The following ITPR2 variants were observed in gnomAD, a reference collection of about 807,000 sequenced individuals.
The protein encoded by ITPR2 is inositol 1,4,5-trisphosphate-gated calcium channel ITPR2.
In ITPR2, 207 loss-of-function variants were observed where a neutral mutation model predicts 317.1. That is an observed-to-expected ratio of 0.65 (90% CI 0.58 to 0.73). The LOEUF (loss-of-function observed/expected upper bound fraction) is 0.73. Ranked by LOEUF, ITPR2 falls within the 30% of genes least tolerant of loss-of-function variation. The pLI is 0.00. For synonymous variants in ITPR2, 1,156 were observed against 1,149.1 expected, an observed-to-expected ratio of 1.01 and a Z score of -0.12; for missense variants, 2,613 against 3,284.0, an observed-to-expected ratio of 0.80 and a Z score of 4.99.
intron 37 of ITPR2, among the ~76,000 whole-genome samples, chr12:26,531,376 A>G (rs1419879730): frequency 6.6e-6 from 1 of 152,228 alleles, no homozygotes; most frequent in African/African-American, 2.4e-5. Context: ...TTTATCACAT[A>G]CACTGGTCAT....
chr12:26,432,943 A>G (rs1029123734), intron 48 of ITPR2, among the ~76,000 whole-genome samples: 2 of 152,170 alleles, frequency 1.3e-5, no homozygotes, highest in Admixed American at 6.5e-5. Flanking sequence ...ACAGTCGTTC[A>G]GCCTGTTTGA....
rs768912888 is a variant in ITPR2 at position 26,715,375 on chromosome 12, T to G, written c.779A>C (p.Gln260Pro). 1 of 1,613,550 alleles carries G rather than the reference T, an allele frequency of 6.2e-7. No homozygotes were observed. Among genetic ancestry groups the G allele is most frequent in the African/African-American group, 1.3e-5 (1 of 74,902 alleles). The change falls in exon 8 of 57, where the codon CAG becomes CCG. Residue 260 changes from glutamine to proline, a missense_variant. Gln to Pro is a moderately conservative substitution (Grantham distance 76). This residue lies in a region of ITPR2 where 515 missense variants were observed against 789.4 expected (regional missense o/e 0.65). Transcript: ENST00000381340. ...FLTCDEYEKK[Q>P]HIFLRTTLRQ... ...CAAGGTCGTACGAAGGAAAATGTGC[T>G]GTTTTTTCTCATATTCATCACAAGT...
chr12:26,487,300 G>A (rs1942694223), intron 39 of ITPR2, 49 bp from the exon 40 acceptor site: 3 of 1,395,540 alleles, frequency 2.1e-6, no homozygotes, highest in Non-Finnish European at 2.9e-6. Context: ...GGAGACAAAT[G>A]GTGTTTTTAT....
chr12:26,372,497 G>A (rs1565492873), intron 55 of ITPR2, among the ~76,000 whole-genome samples: 2 of 152,178 alleles, frequency 1.3e-5, no homozygotes, highest in South Asian at 4.1e-4. Context: ...GTACAGGGAG[G>A]TTAAATGCCT....
chr12:26,425,068 T>C (rs1941015306), intron 49 of ITPR2, among the ~76,000 whole-genome samples: 1 of 151,860 alleles, frequency 6.6e-6, no homozygotes, highest in African/African-American at 2.4e-5. Flanking sequence ...GCAGTGAACT[T>C]GTTATGTTAA....
At position 26,715,687 on chromosome 12, in the gene ITPR2, A is replaced by C. The variant is rs1948728485; in HGVS notation, c.708+65T>G. The C allele has an allele frequency of 2.7e-5, 29 of 1,068,440 alleles. No individual in the cohort carries two copies. In the South Asian group the frequency reaches 3.9e-4, roughly 14 times the overall value. The allele number at this position is 1,068,440 out of a possible 1,614,324, so 66.2% of individuals were successfully genotyped here. A position where few individuals can be genotyped will look rare whatever the true frequency, so the allele number is the denominator to read the frequency against. On this transcript the variant is annotated intron_variant, in intron 7 of 56. Coordinates refer to ENST00000381340, the MANE Select transcript of ITPR2 (RefSeq NM_002223.4). ...ACACCAGTGAATACATAGGTTTTGC[A>C]TCTAGAATTTCAGTAAGACTACCAT...
chr12:26,780,905 A>T (rs964916969), intron 2 of ITPR2, among the ~76,000 whole-genome samples: 8 of 152,204 alleles, frequency 5.3e-5, no homozygotes, highest in African/African-American at 1.9e-4. Flanking sequence ...TAAGATTGCC[A>T]CCTGGACACT....
chr12:26,367,836 C>T (rs1471713978), intron 55 of ITPR2, among the ~76,000 whole-genome samples: 1 of 152,178 alleles, frequency 6.6e-6, no homozygotes, highest in African/African-American at 2.4e-5. Flanking sequence ...ACACAGTGCA[C>T]TATATTTCAC....
chr12:26,338,560 TAATCTC>T lies in ITPR2; in HGVS notation c.*831_*836del. 6.6e-6 allele frequency: 1 copy of T among 152,528 alleles called. No individual in the cohort carries two copies. The highest frequency in any genetic ancestry group is 2.1e-4 in the South Asian group (1 of 4,822). The allele number at this position is 152,528 out of a possible 1,614,324, so 9.4% of individuals were successfully genotyped here. On this transcript the variant is annotated 3_prime_UTR_variant, in exon 57 of 57. Coordinates refer to ENST00000381340, the MANE Select transcript of ITPR2 (RefSeq NM_002223.4). ...ATCACTTTTAAGCATTTTCATGTAT[TAATCTC>T]AATATATTTTAATAGCATACATATG...
chr12:26,714,272 C>T (rs1382907479), intron 8 of ITPR2, among the ~76,000 whole-genome samples: 5 of 152,048 alleles, frequency 3.3e-5, no homozygotes, highest in Non-Finnish European at 5.9e-5. Context: ...CAGTTTGTTC[C>T]GTTATTACGT....
chr12:26,400,338 A>T lies in ITPR2; in HGVS notation c.7400-80T>A, dbSNP rs996273338. On this transcript the variant is annotated intron_variant, in intron 52 of 56. Coordinates refer to ENST00000381340, the MANE Select transcript of ITPR2 (RefSeq NM_002223.4). ...AAAATACACATAAAATGAAATATAC[A>T]TACAATAAATATACATACATATACA... 9.5e-6 allele frequency: 7 copies of T among 737,394 alleles called. No individual in the cohort carries two copies. In the African/African-American group the frequency reaches 1.3e-4, roughly 13 times the overall value. 45.7% of individuals were successfully genotyped at this position (737,394 alleles called of 1,614,324 possible). A position where few individuals can be genotyped will look rare whatever the true frequency, so the allele number is the denominator to read the frequency against.
At chr12:26,708,945 T>C (rs1305623386) in intron 9 of ITPR2, among the ~76,000 whole-genome samples, 1 of 152,234 alleles carries the variant, frequency 6.6e-6, no homozygotes, top group Non-Finnish European at 1.5e-5. Context: ...TGGGCATTTT[T>C]AGAAAGCAAA....
chr12:26,593,837 T>C (rs1258544307), intron 32 of ITPR2, among the ~76,000 whole-genome samples: 2 of 152,264 alleles, frequency 1.3e-5, no homozygotes, highest in African/African-American at 2.4e-5. Context: ...GCATAATCAA[T>C]GGAAGTTATC....
rs942820826 is a variant in ITPR2, at chr12:26,483,997, T to C, written c.5812-99A>G. On this transcript the variant is annotated intron_variant, in intron 41 of 56. Coordinates refer to ENST00000381340, the MANE Select transcript of ITPR2 (RefSeq NM_002223.4). The stretch of plus-strand genomic sequence containing the variant: ...TGTGTGCTTTTCTAACTTTTCTTTG[T>C]AAGAAAAGTATTCGCATTTATTAAA... 34 of 1,019,500 alleles carry C rather than the reference T, an allele frequency of 3.3e-5. No homozygotes were observed. The African/African-American group carries it at 4.8e-4, about 14-fold the overall frequency. 63.2% of individuals were successfully genotyped at this position (1,019,500 alleles called of 1,614,324 possible).
At chr12:26,580,236 TC>T (rs1945370395) in intron 32 of ITPR2, 81 bp from the exon 33 acceptor site, 1 of 1,300,148 alleles carries the variant, frequency 7.7e-7, no homozygotes, top group African/African-American at 1.5e-5. Flanking sequence ...CTAAAAATTG[TC>T]CTGAAATAGT....
chr12:26,738,972 A>G (rs1316264242), intron 2 of ITPR2, among the ~76,000 whole-genome samples: 1 of 152,260 alleles, frequency 6.6e-6, no homozygotes, highest in South Asian at 2.1e-4. Flanking sequence ...GTGCTTTTAC[A>G]ACTCAATAAA....
chr12:26,778,917 C>T (rs1592120299), intron 2 of ITPR2, among the ~76,000 whole-genome samples: 1 of 152,090 alleles, frequency 6.6e-6, no homozygotes, highest in Admixed American at 6.5e-5. Context: ...TTGGCCCCTC[C>T]TACAACCCAG....
chr12:26,605,750 T>C (rs934901149), intron 26 of ITPR2, among the ~76,000 whole-genome samples: 1 of 152,056 alleles, frequency 6.6e-6, no homozygotes, highest in Non-Finnish European at 1.5e-5. Context: ...TGGTGAAAAA[T>C]AATGATTTTA....
intron 52 of ITPR2, among the ~76,000 whole-genome samples, chr12:26,410,424 T>C (rs978374302): frequency 6.6e-6 from 1 of 152,136 alleles, no homozygotes; most frequent in Non-Finnish European, 1.5e-5. Context: ...CCTCAAGCAA[T>C]AGTCCAACAT....
Sources: allele counts gnomAD v4.1 joint callset (sites outside exome capture counted in the v4.1 genomes callset), GRCh38; gene constraint gnomAD v4.1.1; regional missense constraint gnomAD v4.1.1; transcripts MANE v1.5; gene names NCBI Gene and HGNC (gene_info 2026-07-23, HGNC 2026-07-21).